FSTL5: variants seen among roughly 807,000 people sequenced by gnomAD.
The protein encoded by FSTL5 is follistatin like 5.
FSTL5 carries 62 observed loss-of-function variants against 89.1 expected under a neutral mutation model. That is an observed-to-expected ratio of 0.70 (90% CI 0.57 to 0.86). FSTL5 has a LOEUF of 0.86. Ranked by LOEUF, FSTL5 falls within the 40% of genes least tolerant of loss-of-function variation. The pLI is 0.00. For missense variants in FSTL5, 1,057 were observed against 1,001.6 expected, an observed-to-expected ratio of 1.06 and a Z score of -0.75; for synonymous variants, 383 against 346.2, an observed-to-expected ratio of 1.11 and a Z score of -1.18.
In FSTL5 at chr4:161,837,629, T is replaced by C. The variant is rs535853025; in HGVS notation, c.410-61555A>G. On this transcript the variant is annotated intron_variant, in intron 4 of 15. Transcript: ENST00000306100. Reference sequence around the variant, plus strand: ...AATAAAAGTAATATACTACTTAATCTATGAGGTGTCTTCTATCATAGCCTG... The same window carrying C: ...AATAAAAGTAATATACTACTTAATCCATGAGGTGTCTTCTATCATAGCCTG... 3.3e-5 allele frequency among the ~76,000 whole-genome samples: 5 copies of C among 152,242 alleles called. No individual in the cohort carries two copies. In the South Asian group the frequency reaches 1.0e-3, roughly 32 times the overall value.
At chr4:162,092,996 C>T (rs1466072460) in intron 2 of FSTL5, among the ~76,000 whole-genome samples, 1 of 149,808 alleles carries the variant, frequency 6.7e-6, no homozygotes, top group Non-Finnish European at 1.5e-5. Context: ...GCTATGTCTT[C>T]CAGTAGTAGT....
At chr4:161,669,997 A>AT (rs1358370453) in intron 6 of FSTL5, among the ~76,000 whole-genome samples, 1 of 152,150 alleles carries the variant, frequency 6.6e-6, no homozygotes, top group African/African-American at 2.4e-5. Context: ...AACGTCAGGT[A>AT]TTTTTTCCTG....
At position 161,779,801 on chromosome 4, in the gene FSTL5, A is replaced by ATGTG. The variant is rs1553965265; in HGVS notation, c.410-3728_410-3727insCACA. On this transcript the variant is annotated intron_variant, in intron 4 of 15. Coordinates refer to ENST00000306100, the MANE Select transcript of FSTL5 (RefSeq NM_020116.5). ...TATATATATATATATATATATATAT[A>ATGTG]TATATATATGTATATATATATATAT... Among the ~76,000 whole-genome samples, 46 of 46,388 alleles carry ATGTG rather than the reference A, an allele frequency of 9.9e-4. 4 individuals carry two copies. Among genetic ancestry groups the ATGTG allele is most frequent in the South Asian group, 9.9e-3 (16 of 1,622 alleles). 30.4% of individuals were successfully genotyped at this position (46,388 alleles called of 152,430 possible).
At chr4:161,841,209 T>C (rs1265877022) in intron 4 of FSTL5, among the ~76,000 whole-genome samples, 1 of 152,190 alleles carries the variant, frequency 6.6e-6, no homozygotes, top group Non-Finnish European at 1.5e-5. Context: ...CATACACCAT[T>C]TATTTTTCCT....
intron 15 of FSTL5, among the ~76,000 whole-genome samples, chr4:161,452,444 C>A (rs1733198355): frequency 2.0e-5 from 3 of 151,546 alleles, no homozygotes; most frequent in South Asian, 4.2e-4. Flanking sequence ...CCAATGTACT[C>A]CAGCCTGGGT....
rs1296829269 is a variant in FSTL5, at chr4:161,538,178, C to T, written c.1300G>A (p.Ala434Thr). 17 of 1,613,808 alleles carry T rather than the reference C, an allele frequency of 1.1e-5. No homozygotes were observed. Among genetic ancestry groups the T allele is most frequent in the Middle Eastern group, 1.6e-4 (1 of 6,082 alleles). ...GTTCTATACATACGGGTCTTTCTAG[C>T]AGAGTCTTCCACAAAAAGAGAAGAG... is the stretch of plus-strand genomic sequence containing the variant. ...DISSLFVEDS[A>T]RKTLANILWR... Residue 434 changes from alanine (A) to threonine (T), a missense_variant, in exon 10 of 16, where the codon GCT becomes ACT. Physicochemically the swap from Ala to Thr is moderately conservative, Grantham distance 58. This residue lies in a region of FSTL5 where 980 missense variants were observed against 903.2 expected (regional missense o/e 1.08). Transcript: ENST00000306100.
chr4:162,061,048 T>C (rs1200376044), intron 2 of FSTL5, among the ~76,000 whole-genome samples: 1 of 152,156 alleles, frequency 6.6e-6, no homozygotes, highest in African/African-American at 2.4e-5. Context: ...CACATCATAA[T>C]AAGGTATTAA....
intron 3 of FSTL5, among the ~76,000 whole-genome samples, chr4:161,972,000 T>C (rs1406603582): frequency 1.3e-5 from 2 of 152,184 alleles, no homozygotes; most frequent in Non-Finnish European, 2.9e-5. Context: ...AGATGGTCTT[T>C]AATGATTGCT....
intron 6 of FSTL5, among the ~76,000 whole-genome samples, chr4:161,731,187 C>T (rs949950497): frequency 6.6e-5 from 10 of 152,088 alleles, no homozygotes; most frequent in African/African-American, 9.7e-5. Context: ...TACATATCCA[C>T]GAAATGTCAC....
intron 10 of FSTL5, among the ~76,000 whole-genome samples, chr4:161,512,049 G>A (rs1730668115): frequency 6.6e-6 from 1 of 151,996 alleles, no homozygotes. Flanking sequence ...GGTATATTTG[G>A]CGGGTAAGAC....
intron 13 of FSTL5, among the ~76,000 whole-genome samples, chr4:161,460,896 A>G (rs1378151847): frequency 6.6e-6 from 1 of 151,340 alleles, no homozygotes; most frequent in African/African-American, 2.5e-5. Flanking sequence ...TTTGACTGAT[A>G]TTGAGTTTCC....
At chr4:161,571,916 T>G (rs1733027860) in intron 8 of FSTL5, among the ~76,000 whole-genome samples, 1 of 152,186 alleles carries the variant, frequency 6.6e-6, no homozygotes, top group Admixed American at 6.6e-5. Context: ...CCCAAAAGGC[T>G]TCTGAGCATT....
intron 11 of FSTL5, among the ~76,000 whole-genome samples, chr4:161,505,376 T>A (rs1730442253): frequency 6.6e-6 from 1 of 152,220 alleles, no homozygotes; most frequent in Admixed American, 6.5e-5. Context: ...GACTTGCTTA[T>A]CCTTTCATTC....
At chr4:161,918,380 T>C (rs1439205225) in intron 4 of FSTL5, among the ~76,000 whole-genome samples, 1 of 152,104 alleles carries the variant, frequency 6.6e-6, no homozygotes, top group Non-Finnish European at 1.5e-5. Context: ...CTTTGGTAAA[T>C]AACCCAGACA....
chr4:161,641,103 C>A (rs1352940729), intron 7 of FSTL5, among the ~76,000 whole-genome samples: 1 of 152,124 alleles, frequency 6.6e-6, no homozygotes, highest in East Asian at 1.9e-4. Context: ...TAAATAAAAT[C>A]TGTGGGAATT....
intron 3 of FSTL5, among the ~76,000 whole-genome samples, chr4:161,951,639 C>T (rs1734898283): frequency 6.6e-6 from 1 of 151,940 alleles, no homozygotes; most frequent in Non-Finnish European, 1.5e-5. Flanking sequence ...TTGAAATTAA[C>T]CTAGTTATTA....
chr4:161,791,914 G>A (rs1287879056), intron 4 of FSTL5, among the ~76,000 whole-genome samples: 1 of 152,204 alleles, frequency 6.6e-6, no homozygotes, highest in Admixed American at 6.5e-5. Flanking sequence ...TGAGGCCGGG[G>A]CTGCGCGCTC....
At chr4:161,692,012 CATAT>C (rs1465980224) in intron 6 of FSTL5, among the ~76,000 whole-genome samples, 1 of 151,708 alleles carries the variant, frequency 6.6e-6, no homozygotes, top group Non-Finnish European at 1.5e-5. Context: ...TACAAAAATA[CATAT>C]ATATAATCAA....
chr4:161,980,830 G>C (rs1480215763), intron 3 of FSTL5, among the ~76,000 whole-genome samples: 1 of 124,160 alleles, frequency 8.1e-6, no homozygotes, highest in East Asian at 2.6e-4. Context: ...AGGCTGTAGT[G>C]CAATGGCGCG....
Sources: allele counts gnomAD v4.1 joint callset (sites outside exome capture counted in the v4.1 genomes callset), GRCh38; gene constraint gnomAD v4.1.1; regional missense constraint gnomAD v4.1.1; transcripts MANE v1.5; gene names NCBI Gene and HGNC (gene_info 2026-07-23, HGNC 2026-07-21).